ROBO2: variants seen among roughly 807,000 people sequenced by gnomAD.
ROBO2 encodes the protein roundabout guidance receptor 2.
A neutral mutation model predicts 160.8 loss-of-function variants in ROBO2; 53 were observed. That is an observed-to-expected ratio of 0.33 (90% confidence interval 0.26 to 0.41). The LOEUF (loss-of-function observed/expected upper bound fraction) is 0.41. Ranked by LOEUF, ROBO2 falls within the 10% of genes least tolerant of loss-of-function variation. ROBO2 has a pLI of 1.00. For missense variants in ROBO2, 1,577 were observed against 1,722.4 expected (o/e 0.92, Z 1.49); for synonymous variants, 664 against 611.7 (o/e 1.09, Z -1.26).
intron 2 of ROBO2, among the ~76,000 whole-genome samples, chr3:75,955,018 T>C (rs1948674698): frequency 6.6e-6 from 1 of 151,812 alleles, no homozygotes; most frequent in Non-Finnish European, 1.5e-5. Context: ...GAGGGACGAA[T>C]GCGCCTGGGT....
rs146318334 is a variant in ROBO2 at position 77,017,025 on chromosome 3, A to G, written c.110-80989A>G. 2.9e-3 allele frequency among the ~76,000 whole-genome samples: 439 copies of G among 152,342 alleles called. 1 individual carries two copies. Among genetic ancestry groups the G allele is most frequent in the African/African-American group, 0.01 (420 of 41,578 alleles). ...TCTGCCACTTCTAAATGCTTCAACA[A>G]CATCAGCTGTCAATCTAACTTAATA... On this transcript the variant is annotated intron_variant, in intron 2 of 26. Transcript: ENST00000487694.
chr3:76,386,681 C>T (rs555150330), intron 2 of ROBO2, among the ~76,000 whole-genome samples: 23 of 151,864 alleles, frequency 1.5e-4, no homozygotes, highest in African/African-American at 3.6e-4. Context: ...TGCTGGGCTA[C>T]GGTATCAAAA....
At chr3:77,168,172 A>G (rs932076597) in intron 2 of ROBO2, among the ~76,000 whole-genome samples, 9 of 152,222 alleles carry the variant, frequency 5.9e-5, no homozygotes, top group Non-Finnish European at 1.3e-4. Flanking sequence ...ATCGTTACAG[A>G]CAATCAGCCT....
chr3:77,221,417 G>C (rs1399972270), intron 2 of ROBO2, among the ~76,000 whole-genome samples: 1 of 152,200 alleles, frequency 6.6e-6, no homozygotes, highest in Admixed American at 6.5e-5. Flanking sequence ...TTTAAAGCTA[G>C]TAAGGGTGAC....
chr3:77,452,871 A>T (rs1560875252), intron 2 of ROBO2, among the ~76,000 whole-genome samples: 1 of 152,172 alleles, frequency 6.6e-6, no homozygotes, highest in Non-Finnish European at 1.5e-5. Context: ...CATACAAGCC[A>T]ATGTGAATTG....
chr3:77,105,060 C>T (rs539371425), intron 2 of ROBO2, among the ~76,000 whole-genome samples: 6 of 152,308 alleles, frequency 3.9e-5, no homozygotes, highest in African/African-American at 1.4e-4. Context: ...GAATAACTGA[C>T]AGTACTTTCT....
At chr3:76,965,785 GTA>G (rs62885160) in intron 2 of ROBO2, among the ~76,000 whole-genome samples, 29,250 of 129,092 alleles carry the variant, frequency 0.23, 3,240 homozygotes, top group East Asian at 0.39. Context: ...TTGTGTTTGT[GTA>G]TATATATATA....
chr3:76,910,560 T>A (rs1208238038), intron 2 of ROBO2, among the ~76,000 whole-genome samples: 1 of 151,680 alleles, frequency 6.6e-6, no homozygotes, highest in African/African-American at 2.4e-5. Flanking sequence ...ACCCCGTCTC[T>A]GCTAAAAATA....
chr3:76,671,874 G>A (rs569014144), intron 2 of ROBO2, among the ~76,000 whole-genome samples: 2 of 151,690 alleles, frequency 1.3e-5, no homozygotes, highest in East Asian at 3.9e-4. Context: ...TAATCTAGAA[G>A]CCTTAATTTA....
chr3:77,379,511 G>T (rs773401027), intron 2 of ROBO2, among the ~76,000 whole-genome samples: 1 of 151,920 alleles, frequency 6.6e-6, no homozygotes, highest in Non-Finnish European at 1.5e-5. Flanking sequence ...AACTTAATAC[G>T]TCAGTAGCTG....
intron 2 of ROBO2, among the ~76,000 whole-genome samples, chr3:76,852,178 C>T (rs931174815): frequency 2.0e-5 from 3 of 152,160 alleles, no homozygotes; most frequent in African/African-American, 7.2e-5. Context: ...TATCAGTTGC[C>T]TTCTTCCCTT....
rs74380975 is a variant in ROBO2, at chr3:75,940,820, G to A, written c.109+3218G>A. Among the ~76,000 whole-genome samples the A allele has an allele frequency of 1.4e-3, 219 of 152,122 alleles. 2 individuals carry two copies. The highest frequency in any genetic ancestry group is 0.013 in the South Asian group (65 of 4,824). On this transcript the variant is annotated intron_variant, in intron 2 of 26. Transcript: ENST00000487694. ...GCATGGGTGTAATTAATGGCACAGC[G>A]GGCAAAACCATGGGGGTGTTTCCTG...
At chr3:76,255,355 G>A (rs1281463993) in intron 2 of ROBO2, among the ~76,000 whole-genome samples, 2 of 152,060 alleles carry the variant, frequency 1.3e-5, no homozygotes, top group Admixed American at 1.3e-4. Context: ...TCAGAACAGT[G>A]ACATAAAATA....
intron 23 of ROBO2, among the ~76,000 whole-genome samples, chr3:77,626,282 G>C (rs2095024244): frequency 6.6e-6 from 1 of 152,052 alleles, no homozygotes; most frequent in Non-Finnish European, 1.5e-5. Flanking sequence ...TTTTAGATGT[G>C]ACTTTTGTGA....
chr3:76,355,221 G>T (rs1198339139), intron 2 of ROBO2, among the ~76,000 whole-genome samples: 1 of 151,676 alleles, frequency 6.6e-6, no homozygotes, highest in Non-Finnish European at 1.5e-5. Flanking sequence ...TGACCATGTG[G>T]CAGATAATGT....
At chr3:77,443,970 G>A (rs892858840) in intron 2 of ROBO2, among the ~76,000 whole-genome samples, 3 of 151,996 alleles carry the variant, frequency 2.0e-5, no homozygotes, top group African/African-American at 7.2e-5. Flanking sequence ...AGCATCTTAG[G>A]CTTCACACTT....
intron 2 of ROBO2, among the ~76,000 whole-genome samples, chr3:76,596,948 T>C (rs981335528): frequency 3.9e-5 from 6 of 152,144 alleles, no homozygotes; most frequent in African/African-American, 1.4e-4. Flanking sequence ...AACTTGGTAG[T>C]GATGTTATCT....
intron 2 of ROBO2, among the ~76,000 whole-genome samples, chr3:77,218,351 C>G: frequency 6.6e-6 from 1 of 151,740 alleles, no homozygotes; most frequent in Non-Finnish European, 1.5e-5. Context: ...TTCCTACCAT[C>G]CTTCATAGCT....
At chr3:76,370,177 T>C (rs536233392) in intron 2 of ROBO2, among the ~76,000 whole-genome samples, 1 of 152,078 alleles carries the variant, frequency 6.6e-6, no homozygotes, top group South Asian at 2.1e-4. Flanking sequence ...TTCTTTTTTT[T>C]TGGTTCCAGA....
Sources: gnomAD v4.1 joint callset for allele counts (sites outside exome capture counted in the v4.1 genomes callset) on GRCh38, gnomAD v4.1.1 for gene constraint, MANE v1.5 for transcripts, NCBI Gene and HGNC (gene_info 2026-07-23, HGNC 2026-07-21) for gene names.